Variants in WWC1 observed in about 807,000 individuals in gnomAD.
WWC1 encodes the protein protein KIBRA.
WWC1 carries 55 observed loss-of-function variants against 138.4 expected under a neutral mutation model. The ratio of observed to expected loss-of-function variants is 0.40; its 90% confidence interval spans 0.32 to 0.50. The LOEUF (loss-of-function observed/expected upper bound fraction) is 0.50. Among genes scored for constraint, WWC1 ranks in the 20% least tolerant of loss-of-function variants. WWC1 has a pLI of 0.72. For missense variants in WWC1, 1,226 were observed against 1,420.4 expected (o/e 0.86, Z 2.20); for synonymous variants, 524 against 564.9 (o/e 0.93, Z 1.03).
intron 1 of WWC1, among the ~76,000 whole-genome samples, chr5:168,342,444 C>A (rs1044002139): frequency 1.3e-5 from 2 of 152,100 alleles, no homozygotes; most frequent in East Asian, 3.9e-4. Context: ...ACATTCCCTG[C>A]CTCCTGGAAG....
intron 1 of WWC1, among the ~76,000 whole-genome samples, chr5:168,329,083 C>A (rs1280952250): frequency 1.3e-5 from 2 of 152,188 alleles, no homozygotes; most frequent in Non-Finnish European, 2.9e-5. Flanking sequence ...CCCCATGGCT[C>A]CCCCTCTGTA....
Position 168,423,773 on chromosome 5 carries a change from G to A in WWC1, c.1515G>A (p.Glu505=), listed in dbSNP as rs1420211583. 6.2e-7 allele frequency: 1 copy of A among 1,613,832 alleles called. No individual in the cohort carries two copies. Among genetic ancestry groups the A allele is most frequent in the Admixed American group, 1.7e-5 (1 of 60,002 alleles). ...GCATCACCACCATCCACGAGGATGA[G>A]GTGGCCAAGACCCAGAAGGCAGAGG... ...SGCITTIHED[E]VAKTQKAEGG... is the part of the protein sequence containing the mutation. Residue 505 remains glutamate (E), a synonymous_variant, in exon 11 of 23, where the codon GAG becomes GAA. Transcript: ENST00000265293.
chr5:168,429,733 G>T (rs568238364), intron 13 of WWC1, among the ~76,000 whole-genome samples: 1 of 151,914 alleles, frequency 6.6e-6, no homozygotes, highest in East Asian at 1.9e-4. Context: ...CAGGAGTTCA[G>T]GACCAGCCCA....
Position 168,335,450 on chromosome 5 carries a change from G to A in WWC1, c.120-35974G>A, listed in dbSNP as rs75919203. ...TGCTTGGGCAATATAGCGAGACTCC[G>A]TTCTCTTAAAAAGAAAGAAAGAACA... is the stretch of plus-strand genomic sequence containing the variant. On this transcript the variant is annotated intron_variant, in intron 1 of 22. Transcript: ENST00000265293. Among the ~76,000 whole-genome samples, 9 of 150,958 alleles carry A rather than the reference G, an allele frequency of 6.0e-5. No individual in the cohort carries two copies. The East Asian group carries it at 9.7e-4, about 16-fold the overall frequency.
At chr5:168,389,261 A>G (rs1778285046) in intron 3 of WWC1, among the ~76,000 whole-genome samples, 1 of 151,904 alleles carries the variant, frequency 6.6e-6, no homozygotes, top group Non-Finnish European at 1.5e-5. Flanking sequence ...ATCCCAGCCA[A>G]CATGGTGAAA....
chr5:168,350,036 G>A (rs1774815147), intron 1 of WWC1, among the ~76,000 whole-genome samples: 1 of 152,100 alleles, frequency 6.6e-6, no homozygotes, highest in African/African-American at 2.4e-5. Context: ...GAGATCTTAT[G>A]GAAAAGCTCT....
At chr5:168,448,878 C>T (rs1007150652) in intron 17 of WWC1, among the ~76,000 whole-genome samples, 1 of 152,136 alleles carries the variant, frequency 6.6e-6, no homozygotes, top group Non-Finnish European at 1.5e-5. Context: ...CTCCACCTCC[C>T]AAAGTGCTGG....
Position 168,467,676 on chromosome 5 carries a change from G to T in WWC1, c.3151-164G>T, listed in dbSNP as rs73802323. The T allele has an allele frequency of 1.6e-3, 1,650 of 1,030,720 alleles. 22 individuals are homozygous for T. The African/African-American group carries it at 0.023, about 15-fold the overall frequency. 63.8% of individuals were successfully genotyped at this position (1,030,720 alleles called of 1,614,324 possible). ...CAAAAATCTAGTCACTCAAACAGATGATTTGAGCACTTCCCATTATCGTTC... is the reference window on the plus strand; with the variant it reads ...CAAAAATCTAGTCACTCAAACAGATTATTTGAGCACTTCCCATTATCGTTC... On this transcript the variant is annotated intron_variant, in intron 21 of 22. Transcript: ENST00000265293.
At position 168,363,080 on chromosome 5, in the gene WWC1, G is replaced by A. The variant is rs542353926; in HGVS notation, c.120-8344G>A. 6.4e-4 allele frequency among the ~76,000 whole-genome samples: 98 copies of A among 152,230 alleles called. 1 individual carries two copies. Among genetic ancestry groups the A allele is most frequent in the Non-Finnish European group, 1.2e-3 (80 of 68,006 alleles). ...AGCCAGAATTTTGAGACAGGTGTTC[G>A]GAGGGTAGAGAACAAGAGGAAGGGA... On this transcript the variant is annotated intron_variant, in intron 1 of 22. Transcript: ENST00000265293.
At chr5:168,328,952 G>A (rs7446633) in intron 1 of WWC1, among the ~76,000 whole-genome samples, 2 of 152,172 alleles carry the variant, frequency 1.3e-5, no homozygotes, top group African/African-American at 4.8e-5. Context: ...GCATCCACCT[G>A]TCTGGGCTCC....
intron 1 of WWC1, among the ~76,000 whole-genome samples, chr5:168,359,010 TTTG>T (rs1292241793): frequency 3.5e-5 from 5 of 141,510 alleles, no homozygotes; most frequent in South Asian, 4.8e-4. Flanking sequence ...ATATATGGTT[TTTG>T]TTGTTGTTGG....
chr5:168,407,523 GA>G (rs1176793912), intron 6 of WWC1, among the ~76,000 whole-genome samples: 1 of 152,198 alleles, frequency 6.6e-6, no homozygotes, highest in Non-Finnish European at 1.5e-5. Flanking sequence ...ATGAGAAACA[GA>G]ACAGTTTGGA....
At chr5:168,343,204 A>G (rs1028361250) in intron 1 of WWC1, among the ~76,000 whole-genome samples, 3 of 143,742 alleles carry the variant, frequency 2.1e-5, no homozygotes, top group Non-Finnish European at 4.6e-5. Flanking sequence ...ATACAGAAAT[A>G]CTTTCTTGAT....
intron 5 of WWC1, 70 bp from the exon 6 acceptor site, chr5:168,406,128 G>A (rs770654246): frequency 3.6e-5 from 56 of 1,576,298 alleles, no homozygotes; most frequent in Non-Finnish European, 4.8e-5. Context: ...TGTGGTCTGT[G>A]CTTTTCCCCT....
At chr5:168,443,041 G>T (rs1328905702) in intron 16 of WWC1, among the ~76,000 whole-genome samples, 1 of 150,986 alleles carries the variant, frequency 6.6e-6, no homozygotes, top group Non-Finnish European at 1.5e-5. Flanking sequence ...TTACATATGG[G>T]GTATTGGACT....
chr5:168,411,978 A>G, intron 8 of WWC1: 5 of 985,408 alleles, frequency 5.1e-6, no homozygotes, highest in Non-Finnish European at 4.8e-6. Flanking sequence ...AGGTAGAAAA[A>G]AACAGATGTC....
chr5:168,391,821 A>T (rs1778535100), intron 3 of WWC1, among the ~76,000 whole-genome samples: 1 of 146,806 alleles, frequency 6.8e-6, no homozygotes, highest in Non-Finnish European at 1.5e-5. Context: ...AGAAGAAAGA[A>T]CAGCAATAAA....
intron 5 of WWC1, among the ~76,000 whole-genome samples, chr5:168,405,990 G>A (rs776353184): frequency 3.0e-4 from 45 of 152,150 alleles, no homozygotes; most frequent in Non-Finnish European, 4.6e-4. Flanking sequence ...GCCTCCCAAA[G>A]TGTTGGGATT....
intron 1 of WWC1, among the ~76,000 whole-genome samples, chr5:168,343,967 C>T (rs1318439437): frequency 2.6e-5 from 4 of 152,146 alleles, no homozygotes; most frequent in Admixed American, 1.3e-4. Flanking sequence ...ACGTGCTTCC[C>T]CCTCGGCTCA....
Sources: gnomAD v4.1 joint callset for allele counts (sites outside exome capture counted in the v4.1 genomes callset) on GRCh38, gnomAD v4.1.1 for gene constraint, MANE v1.5 for transcripts, NCBI Gene and HGNC (gene_info 2026-07-23, HGNC 2026-07-21) for gene names.